Variants in ECE2 observed in about 807,000 individuals in gnomAD.
ECE2 encodes endothelin converting enzyme 2, also known as endothelin-converting enzyme 2.
Under a neutral mutation model 100.6 loss-of-function variants are expected in ECE2, and 81 were observed. The observed-to-expected ratio is 0.81, with a 90% CI of 0.67 to 0.97. The LOEUF is 0.97. ECE2 is among the 50% of genes least tolerant of loss of function. The probability of loss-of-function intolerance (pLI) is 0.00; values close to 1 mark genes in which losing one functional copy is unlikely to be tolerated. For synonymous variants in ECE2, 391 were observed against 391.5 expected (o/e 1.00, Z 0.02); for missense variants, 911 against 988.1 (o/e 0.92, Z 1.05).
chr3:184,289,900 T>C lies in ECE2; in HGVS notation c.1551+182T>C, dbSNP rs530172207. On this transcript the variant is annotated intron_variant, in intron 13 of 18. Coordinates refer to ENST00000404464, the MANE Select transcript of ECE2 (RefSeq NM_001100121.2). The surrounding 1 kb of genome is among the most constrained non-coding windows in gnomAD (Gnocchi z 4.1). ...TGACAGGCTGCAGGCCAAACAGCAG[T>C]GAAATATAGTGCTAACGAGCCAAGA... Among the ~76,000 whole-genome samples the C allele has an allele frequency of 3.8e-4, 58 of 152,290 alleles. No homozygotes were observed. The highest frequency in any genetic ancestry group is 1.4e-3 in the African/African-American group (58 of 41,550).
Position 184,277,462 on chromosome 3 carries a change from G to T in ECE2, c.474G>T (p.Leu158=). The T allele has an allele frequency of 6.2e-7, 1 of 1,614,014 alleles. No individual in the cohort carries two copies. The highest frequency in any genetic ancestry group is 1.3e-5 in the African/African-American group (1 of 75,076). The change falls in exon 4 of 19, where the codon CTG becomes CTT. Residue 158 remains leucine, a synonymous_variant. Transcript: ENST00000404464. ...WDQNQAILKH[L]LENTTFNSSS... ...AAAACCAGGCCATACTGAAGCACCT[G>T]CTTGGTGAGTGGGGCTGTTAGGGAG...
chr3:184,287,684 G>T (rs1018157291), intron 10 of ECE2, among the ~76,000 whole-genome samples, 153 bp from the exon 11 acceptor site: 2 of 151,906 alleles, frequency 1.3e-5, no homozygotes, highest in Middle Eastern at 3.2e-3. Context: ...GACAGAGCAA[G>T]ACCCTGTCTC....
intron 8 of ECE2, among the ~76,000 whole-genome samples, chr3:184,284,542 CAAAAAAAA>C (rs35701535): frequency 1.5e-5 from 1 of 66,408 alleles, no homozygotes; most frequent in Non-Finnish European, 3.3e-5. Flanking sequence ...AACTCCATCT[CAAAAAAAA>C]AAAAAAAAAA....
intron 1 of ECE2, 94 bp from the exon 2 acceptor site, chr3:184,276,387 G>T (rs1223463054): frequency 4.7e-6 from 7 of 1,491,620 alleles, no homozygotes; most frequent in East Asian, 2.4e-5. Flanking sequence ...TTAGCAGGGC[G>T]GAGGGGTCCG....
At position 184,276,032 on chromosome 3, in the gene ECE2, G is replaced by A. The variant is rs1366725108; in HGVS notation, c.-122G>A. 3 of 1,090,222 alleles carry A rather than the reference G, an allele frequency of 2.8e-6. No homozygotes were observed. Among genetic ancestry groups the A allele is most frequent in the Non-Finnish European group, 3.3e-6 (3 of 895,570 alleles). 67.5% of individuals were successfully genotyped at this position (1,090,222 alleles called of 1,614,324 possible). A position where few individuals can be genotyped will look rare whatever the true frequency, so the allele number is the denominator to read the frequency against. The stretch of plus-strand genomic sequence containing the variant: ...GGGGGGGGGGCGGCCGCGGCCGAGC[G>A]GGGGTGCTGCGCGGCGGCCGTGATG... On this transcript the variant is annotated 5_prime_UTR_variant, in exon 1 of 19. Coordinates refer to ENST00000404464, the MANE Select transcript of ECE2 (RefSeq NM_001100121.2).
rs374759899 is a variant in ECE2 at position 184,276,945 on chromosome 3, G to A, written c.180G>A (p.Glu60=). The A allele has an allele frequency of 1.2e-6, 2 of 1,614,054 alleles. No homozygotes were observed. Among genetic ancestry groups the A allele is most frequent in the East Asian group, 4.5e-5 (2 of 44,894 alleles). Residue 60 remains glutamate (E), a synonymous_variant, in exon 3 of 19, where the codon GAG becomes GAA. Transcript: ENST00000404464. ...TGTTAGGCTCACGCACGCAGCTGGA[G>A]CTGGTCTTAGCAGGTGCCTCTCTAC... The part of the protein sequence containing the change: ...RQLLGSRTQL[E]LVLAGASLLL...
chr3:184,277,027 G>C lies in ECE2; in HGVS notation c.262G>C (p.Asp88His). The C allele has an allele frequency of 6.2e-7, 1 of 1,613,946 alleles. No individual in the cohort carries two copies. Among genetic ancestry groups the C allele is most frequent in the Non-Finnish European group, 8.5e-7 (1 of 1,179,974 alleles). ...LVALGVQYHR[D>H]PSHSTCLTEA... ...GGCCCTAGGGGTCCAGTACCACAGA[G>C]GTAGGTGGGCCCACACTCTTCGTCA... Residue 88 changes from aspartate (D) to histidine (H), a missense_variant and splice_region_variant, in exon 3 of 19, where the codon GAC becomes CAC. Coordinates refer to ENST00000404464, the MANE Select transcript of ECE2 (RefSeq NM_001100121.2).
chr3:184,276,384 G>C (rs1305185064), intron 1 of ECE2, 97 bp from the exon 2 acceptor site: 6 of 1,482,482 alleles, frequency 4.0e-6, no homozygotes, highest in Non-Finnish European at 5.5e-6. Flanking sequence ...CTCTTAGCAG[G>C]GCGGAGGGGT....
intron 8 of ECE2, 29 bp downstream of exon 8, chr3:184,284,002 T>A (rs1320597907): frequency 1.9e-6 from 3 of 1,610,736 alleles, no homozygotes; most frequent in Non-Finnish European, 2.5e-6. Flanking sequence ...TGGAGACAAC[T>A]GAGAGGGGCC....
chr3:184,285,566 C>T lies in ECE2; in HGVS notation c.1237C>T (p.Leu413=), dbSNP rs1721005255. The T allele has an allele frequency of 6.8e-6, 11 of 1,614,122 alleles. No individual in the cohort carries two copies. The highest frequency in any genetic ancestry group is 9.3e-6 in the Non-Finnish European group (11 of 1,179,962). ...CTTTGAGTCTGCACAAGAGAAGCTG[C>T]TGGAGACCCTCTATGGCACTAAGAA... ...RRFESAQEKL[L]ETLYGTKKSC... Residue 413 remains leucine (L), a synonymous_variant, in exon 10 of 19, where the codon CTG becomes TTG. Coordinates refer to ENST00000404464, the MANE Select transcript of ECE2 (RefSeq NM_001100121.2).
chr3:184,289,223 A>C lies in ECE2; in HGVS notation c.1375-214A>C, dbSNP rs1675763800. 6.6e-6 allele frequency among the ~76,000 whole-genome samples: 1 copy of C among 152,100 alleles called. No individual in the cohort carries two copies. The highest frequency in any genetic ancestry group is 2.4e-5 in the African/African-American group (1 of 41,402). ...ATTTGATGAACTTATTGTCAATTAA[A>C]ATGTGTACTTAATTAAGAAAAAAGC... On this transcript the variant is annotated intron_variant, in intron 11 of 18. Transcript: ENST00000404464. The surrounding 1 kb of genome is among the most constrained non-coding windows in gnomAD (Gnocchi z 4.1).
At chr3:184,285,675 T>A in intron 10 of ECE2, 83 bp downstream of exon 10, 3 of 1,039,054 alleles carry the variant, frequency 2.9e-6, no homozygotes, top group Non-Finnish European at 4.5e-6. Flanking sequence ...ACCATGTGCC[T>A]CATGGTGCAC....
At position 184,292,355 on chromosome 3, in the gene ECE2, T is replaced by TC. The variant is rs1320551995; in HGVS notation, c.*124dup. ...TGCAAGCTGGGCTGGGTCTAGTCCC[T>TC]CCCCCCCACAGGTGACATGAGTACA... On this transcript the variant is annotated 3_prime_UTR_variant, in exon 19 of 19. Transcript: ENST00000404464. 119 of 1,195,960 alleles carry TC rather than the reference T, an allele frequency of 1.0e-4. No homozygotes were observed. Among genetic ancestry groups the TC allele is most frequent in the Non-Finnish European group, 3.9e-5 (33 of 844,526 alleles). 74.1% of individuals were successfully genotyped at this position (1,195,960 alleles called of 1,614,324 possible).
At position 184,291,113 on chromosome 3, in the gene ECE2, C is replaced by T; in HGVS notation, c.1908C>T (p.His636=). The change falls in exon 17 of 19, where the codon CAC becomes CAT. Residue 636 remains histidine, a synonymous_variant. Coordinates refer to ENST00000404464, the MANE Select transcript of ECE2 (RefSeq NM_001100121.2). The surrounding 1 kb of genome is among the most constrained non-coding windows in gnomAD (Gnocchi z 4.1). ...QNESLAAFRN[H]TACMEEQYNQ... ...AGTCCCTGGCAGCCTTCCGGAACCA[C>T]ACGGCCTGCATGGAGGAACAGTACA... 6.2e-7 allele frequency: 1 copy of T among 1,609,588 alleles called. No homozygotes were observed. The highest frequency in any genetic ancestry group is 8.5e-7 in the Non-Finnish European group (1 of 1,177,546).
Position 184,278,207 on chromosome 3 carries a change from A to G in ECE2, c.644A>G (p.Asn215Ser). The G allele has an allele frequency of 6.2e-7, 1 of 1,614,174 alleles. No homozygotes were observed. Residue 215 changes from asparagine (N) to serine (S), a missense_variant, in exon 6 of 19, where the codon AAC becomes AGC. Coordinates refer to ENST00000404464, the MANE Select transcript of ECE2 (RefSeq NM_001100121.2). ...WNITGPWDQD[N>S]FMEVLKAVAG... ...ATTACGGGGCCCTGGGACCAGGACA[A>G]CTTTATGGAGGTGTTGAAGGCAGTA...
chr3:184,276,373 C>A, intron 1 of ECE2, 108 bp from the exon 2 acceptor site: 1 of 1,451,318 alleles, frequency 6.9e-7, no homozygotes, highest in Non-Finnish European at 9.4e-7. Flanking sequence ...AGGGAAGGGC[C>A]CTCTTAGCAG....
chr3:184,291,763 G>C lies in ECE2; in HGVS notation c.2122-299G>C. The C allele has an allele frequency of 1.9e-6, 1 of 515,496 alleles. No homozygotes were observed. The highest frequency in any genetic ancestry group is 3.4e-6 in the Non-Finnish European group (1 of 290,898). The allele number at this position is 515,496 out of a possible 1,614,324, so 31.9% of individuals were successfully genotyped here. On this transcript the variant is annotated intron_variant, in intron 18 of 18. Coordinates refer to ENST00000404464, the MANE Select transcript of ECE2 (RefSeq NM_001100121.2). The surrounding 1 kb of genome is among the most constrained non-coding windows in gnomAD (Gnocchi z 4.1). Reference sequence around the variant, plus strand: ...GCTGTTCCTGTGAGGGAGACATGCAGGAAACGAAAGCTCGGGACGCAGAGT... The same window carrying C: ...GCTGTTCCTGTGAGGGAGACATGCACGAAACGAAAGCTCGGGACGCAGAGT...
Position 184,277,993 on chromosome 3 carries a change from C to T in ECE2, c.547C>T (p.Gln183Ter). 1 of 1,613,984 alleles carries T rather than the reference C, an allele frequency of 6.2e-7. No homozygotes were observed. The highest frequency in any genetic ancestry group is 8.5e-7 in the Non-Finnish European group (1 of 1,180,032). ...ACAGCGCTTCTACCTATCTTGCCTA[C>T]AGGTGGAGCGCATTGAGGAGCTGGG... ...KTQRFYLSCL[Q>*]VERIEELGAQ... The change falls in exon 5 of 19, where the codon CAG becomes TAG. Residue 183 changes from glutamine to a stop codon, truncating the protein, a stop_gained. Coordinates refer to ENST00000404464, the MANE Select transcript of ECE2 (RefSeq NM_001100121.2). LOFTEE classifies it high-confidence loss of function.
chr3:184,281,284 A>G (rs1052769379), intron 7 of ECE2, among the ~76,000 whole-genome samples: 1 of 152,236 alleles, frequency 6.6e-6, no homozygotes, highest in African/African-American at 2.4e-5. Context: ...TCCTGTTTCC[A>G]GTTGTTGGGA....
Sources: allele counts gnomAD v4.1 joint callset (sites outside exome capture counted in the v4.1 genomes callset), GRCh38; gene constraint gnomAD v4.1.1; non-coding constraint Gnocchi (gnomAD v3.1); transcripts MANE v1.5; gene names NCBI Gene and HGNC (gene_info 2026-07-23, HGNC 2026-07-21).